Variants in MIGA1 observed in about 807,000 individuals in gnomAD.
MIGA1 encodes the protein family with sequence similarity 73, member A.
Under a neutral mutation model 82.0 loss-of-function variants are expected in MIGA1, and 58 were observed. That is an observed-to-expected ratio of 0.71 (90% CI 0.57 to 0.88). The LOEUF (loss-of-function observed/expected upper bound fraction) is 0.88. MIGA1 is among the 40% of genes least tolerant of loss of function. The pLI is 0.00. For missense variants in MIGA1, 751 were observed against 749.1 expected, an observed-to-expected ratio of 1.00 and a Z score of -0.03; for synonymous variants, 249 against 253.6, an observed-to-expected ratio of 0.98 and a Z score of 0.17.
intron 7 of MIGA1, among the ~76,000 whole-genome samples, chr1:77,827,130 A>G (rs1684060686): frequency 1.3e-5 from 2 of 149,254 alleles, no homozygotes; most frequent in African/African-American, 2.5e-5. Flanking sequence ...TTTTTTTGAG[A>G]TGGTGTTTTG....
intron 14 of MIGA1, among the ~76,000 whole-genome samples, chr1:77,871,125 G>GGGAGAGGAGGGA (rs149246341): frequency 0.057 from 4,202 of 73,554 alleles, 397 homozygotes; most frequent in African/African-American, 0.19. Flanking sequence ...GAGAGGGAGA[G>GGGAGAGGAGGGA]GAGGGAGAGG....
Position 77,826,440 on chromosome 1 carries a change from G to A in MIGA1, c.895+11209G>A, listed in dbSNP as rs72946052. Among the ~76,000 whole-genome samples, 680 of 152,150 alleles carry A rather than the reference G, an allele frequency of 4.5e-3. 6 individuals carry two copies. Among genetic ancestry groups the A allele is most frequent in the African/African-American group, 0.015 (634 of 41,508 alleles). On this transcript the variant is annotated intron_variant, in intron 7 of 15. Transcript: ENST00000370791. ...AGGAGGAAAATAAAAAATGATAATG[G>A]ATATACTGCCTCTTGCTGGCATATC...
intron 8 of MIGA1, among the ~76,000 whole-genome samples, chr1:77,857,877 T>C (rs1344030679): frequency 6.6e-6 from 1 of 152,152 alleles, no homozygotes; most frequent in African/African-American, 2.4e-5. Flanking sequence ...TAATCAAAGC[T>C]ACATATAAGG....
At chr1:77,847,883 T>G in intron 8 of MIGA1, 10 of 1,561,596 alleles carry the variant, frequency 6.4e-6, no homozygotes, top group Non-Finnish European at 8.8e-6. Context: ...ACAGTGACTT[T>G]GATGCTAAGA....
In MIGA1 at chr1:77,802,622, A is replaced by T. The variant is rs566149968; in HGVS notation, c.374-648A>T. On this transcript the variant is annotated intron_variant, in intron 3 of 15. Coordinates refer to ENST00000370791, the MANE Select transcript of MIGA1 (RefSeq NM_198549.4). ...ACCACATCTTTACAAAAATAACAATAAAAAAATTGTTTTTTTTGGTGTGGT... is the reference window on the plus strand; with the variant it reads ...ACCACATCTTTACAAAAATAACAATTAAAAAATTGTTTTTTTTGGTGTGGT... 1.4e-3 allele frequency among the ~76,000 whole-genome samples: 219 copies of T among 152,132 alleles called. 2 individuals carry two copies. The highest frequency in any genetic ancestry group is 5.0e-3 in the African/African-American group (208 of 41,484).
intron 5 of MIGA1, among the ~76,000 whole-genome samples, chr1:77,807,565 GTTAGT>G (rs1409852824): frequency 1.3e-5 from 2 of 149,956 alleles, no homozygotes; most frequent in Non-Finnish European, 2.9e-5. Context: ...CATACATTGT[GTTAGT>G]TTAAACTAAT....
chr1:77,827,327 A>G (rs751791773), intron 7 of MIGA1, among the ~76,000 whole-genome samples: 2 of 152,066 alleles, frequency 1.3e-5, no homozygotes, highest in Non-Finnish European at 2.9e-5. Context: ...ATTCTCTGGA[A>G]GCTGGGTGTG....
In MIGA1 at chr1:77,825,411, A is replaced by G. The variant is rs878964557; in HGVS notation, c.895+10180A>G. ...ATGAAAACGTTTTCCTTATTCACTT[A>G]TAAGACCGTTTAGTGCTGAATGTGA... On this transcript the variant is annotated intron_variant, in intron 7 of 15. Coordinates refer to ENST00000370791, the MANE Select transcript of MIGA1 (RefSeq NM_198549.4). Among the ~76,000 whole-genome samples, 6 of 152,222 alleles carry G rather than the reference A, an allele frequency of 3.9e-5. 1 individual carries two copies. Among genetic ancestry groups the G allele is most frequent in the Admixed American group, 3.3e-4 (5 of 15,286 alleles).
Position 77,847,856 on chromosome 1 carries a change from G to A in MIGA1, c.996+4449G>A, listed in dbSNP as rs1376160520. On this transcript the variant is annotated intron_variant, in intron 8 of 15. Coordinates refer to ENST00000370791, the MANE Select transcript of MIGA1 (RefSeq NM_198549.4). The stretch of plus-strand genomic sequence containing the variant: ...TTCTTCAAACTGATGTGAAAGTAGA[G>A]GAAAACCCAGATGCAGACAGTGACT... 4 of 1,604,242 alleles carry A rather than the reference G, an allele frequency of 2.5e-6. No homozygotes were observed. In the African/African-American group the frequency reaches 5.4e-5, roughly 22 times the overall value.
At chr1:77,794,404 G>A (rs1381256984) in intron 2 of MIGA1, among the ~76,000 whole-genome samples, 1 of 152,058 alleles carries the variant, frequency 6.6e-6, no homozygotes, top group East Asian at 1.9e-4. Context: ...AGTTTTCCTT[G>A]GTTTATATGA....
intron 1 of MIGA1, among the ~76,000 whole-genome samples, chr1:77,780,508 AT>A (rs1381523430): frequency 1.3e-5 from 2 of 152,160 alleles, no homozygotes; most frequent in African/African-American, 2.4e-5. Flanking sequence ...CTTCACGTCA[AT>A]TTTCTTTTTG....
intron 7 of MIGA1, among the ~76,000 whole-genome samples, chr1:77,829,400 A>G (rs1396755126): frequency 6.6e-6 from 1 of 152,208 alleles, no homozygotes; most frequent in Non-Finnish European, 1.5e-5. Context: ...GTAGTGAGCT[A>G]GGATGGCACC....
intron 7 of MIGA1, among the ~76,000 whole-genome samples, chr1:77,825,479 TG>T (rs1204839433): frequency 5.3e-5 from 8 of 152,326 alleles, no homozygotes; most frequent in African/African-American, 1.4e-4. Context: ...ATCTACATGT[TG>T]GATGCCTGTG....
In MIGA1 at chr1:77,779,731, C is replaced by G. The variant is rs1216518444; in HGVS notation, c.76C>G (p.Leu26Val). 6.4e-7 allele frequency: 1 copy of G among 1,572,230 alleles called. No homozygotes were observed. Among genetic ancestry groups the G allele is most frequent in the Non-Finnish European group, 8.6e-7 (1 of 1,159,026 alleles). Residue 26 changes from leucine (L) to valine (V), a missense_variant, in exon 1 of 16, where the codon CTC becomes GTC. Physicochemically the swap from Leu to Val is conservative, Grantham distance 32. Around this residue, in one of 3 missense-constraint regions of MIGA1, gnomAD observed 482 missense variants for 439.4 expected, o/e 1.10. Transcript: ENST00000370791. ...CAGGCCAGCTGTACCTGGCCTGGAGCTCCAGGTACAGGGCCAGGGGCGGGG... is the reference window on the plus strand; with the variant it reads ...CAGGCCAGCTGTACCTGGCCTGGAGGTCCAGGTACAGGGCCAGGGGCGGGG...
At chr1:77,861,623 A>T in intron 12 of MIGA1, 1 of 286,980 alleles carries the variant, frequency 3.5e-6, no homozygotes, top group Non-Finnish European at 6.5e-6. Flanking sequence ...CTAGCAGGAC[A>T]GGAATGGTGG....
At chr1:77,798,544 A>G (rs567755816) in intron 2 of MIGA1, among the ~76,000 whole-genome samples, 3 of 152,310 alleles carry the variant, frequency 2.0e-5, no homozygotes, top group African/African-American at 7.2e-5. Flanking sequence ...TACCATGAGG[A>G]CAGTAGGAAA....
At position 77,877,581 on chromosome 1, in the gene MIGA1, AC is replaced by A. The variant is rs1455943580; in HGVS notation, c.*2519del. 2 of 152,732 alleles carry A rather than the reference AC, an allele frequency of 1.3e-5. No homozygotes were observed. The highest frequency in any genetic ancestry group is 4.8e-5 in the African/African-American group (2 of 41,580). 9.5% of individuals were successfully genotyped at this position (152,732 alleles called of 1,614,324 possible). On this transcript the variant is annotated 3_prime_UTR_variant, in exon 16 of 16. Coordinates refer to ENST00000370791, the MANE Select transcript of MIGA1 (RefSeq NM_198549.4). ...TGTGTGCGTGCACGTGCATTTCATT[AC>A]CATGTAGACAAGACAGTTATTGCTT...
chr1:77,848,242 A>C, intron 8 of MIGA1: 1 of 1,403,260 alleles, frequency 7.1e-7, no homozygotes. Flanking sequence ...CGAGGGACCA[A>C]AGAGAAAGAA....
intron 7 of MIGA1, among the ~76,000 whole-genome samples, chr1:77,818,016 T>G (rs1170259937): frequency 4.1e-5 from 6 of 147,310 alleles, no homozygotes; most frequent in Non-Finnish European, 8.9e-5. Flanking sequence ...AGTGCAGTGG[T>G]GTGATCTCAG....
Sources: allele counts gnomAD v4.1 joint callset (sites outside exome capture counted in the v4.1 genomes callset), GRCh38; gene constraint gnomAD v4.1.1; regional missense constraint gnomAD v4.1.1; transcripts MANE v1.5; gene names NCBI Gene and HGNC (gene_info 2026-07-23, HGNC 2026-07-21).